PAG1: variants seen among roughly 807,000 people sequenced by gnomAD.
The protein encoded by PAG1 is phosphoprotein associated with glycosphingolipid-enriched microdomains 1.
In PAG1, 23 loss-of-function variants were observed where a neutral mutation model predicts 31.7. The observed-to-expected ratio is 0.73, with a 90% CI of 0.52 to 1.03. The LOEUF is 1.03. Among genes scored for constraint, PAG1 ranks in the 50% least tolerant of loss-of-function variants. The probability of loss-of-function intolerance (pLI) is 0.00; values close to 1 mark genes in which losing one functional copy is unlikely to be tolerated. For synonymous variants in PAG1, 214 were observed against 210.3 expected (o/e 1.02, Z -0.15); for missense variants, 473 against 540.7 (o/e 0.87, Z 1.24).
At chr8:81,002,692 C>T (rs1011971187) in intron 3 of PAG1, among the ~76,000 whole-genome samples, 9 of 152,194 alleles carry the variant, frequency 5.9e-5, no homozygotes, top group Non-Finnish European at 8.8e-5. Context: ...GAAATCATTA[C>T]GCAGTACTTA....
chr8:81,069,622 C>T (rs963684659), intron 2 of PAG1, among the ~76,000 whole-genome samples: 3 of 152,188 alleles, frequency 2.0e-5, no homozygotes, highest in Non-Finnish European at 2.9e-5. Context: ...ATCATCAGCA[C>T]AAAATGAGAT....
Position 80,993,197 on chromosome 8 carries a change from C to T in PAG1, c.31G>A (p.Gly11Arg), listed in dbSNP as rs943867826. ...CCCCACAGGGTGATCTGCATCTGTCCGCTGCCCAGCAGGCTCCCCGCGGGC... is the reference window on the plus strand; with the variant it reads ...CCCCACAGGGTGATCTGCATCTGTCTGCTGCCCAGCAGGCTCCCCGCGGGC... MGPAGSLLGS[G>R]QMQITLWGSL... Residue 11 changes from glycine to arginine, a missense_variant, in exon 4 of 9, where the codon GGA (glycine) becomes AGA (arginine). Coordinates refer to ENST00000220597, the MANE Select transcript of PAG1 (RefSeq NM_018440.4). 28 of 1,612,268 alleles carry T rather than the reference C, an allele frequency of 1.7e-5. No individual in the cohort carries two copies. The highest frequency in any genetic ancestry group is 1.2e-4 in the Admixed American group (7 of 59,960).
chr8:81,098,821 C>T (rs1809566654), intron 1 of PAG1, among the ~76,000 whole-genome samples: 1 of 152,132 alleles, frequency 6.6e-6, no homozygotes, highest in Non-Finnish European at 1.5e-5. Context: ...CAAATATATC[C>T]ATGGCTAAGT....
chr8:81,081,247 G>A (rs1480625747), intron 1 of PAG1, among the ~76,000 whole-genome samples: 7 of 150,840 alleles, frequency 4.6e-5, no homozygotes, highest in Admixed American at 4.6e-4. Context: ...AGGCAACTTC[G>A]TACTAACATC....
rs80167423 is a variant in PAG1, at chr8:81,030,909, A to T, written c.-174-820T>A. ...GGAATGAATGAATGAACGAACGAAC[A>T]AACGGATGAAAGAACGGCTGTGTTT... On this transcript the variant is annotated intron_variant, in intron 2 of 8. Transcript: ENST00000220597. Among the ~76,000 whole-genome samples the T allele has an allele frequency of 6.5e-3, 993 of 152,348 alleles. 17 individuals carry two copies. The highest frequency in any genetic ancestry group is 0.023 in the African/African-American group (938 of 41,560).
chr8:81,077,977 G>A (rs113792522), intron 1 of PAG1, among the ~76,000 whole-genome samples: 2,544 of 152,222 alleles, frequency 0.017, 70 homozygotes, highest in African/African-American at 0.057. Context: ...TCAAACCCAC[G>A]TAAATGAAAT....
intron 2 of PAG1, among the ~76,000 whole-genome samples, chr8:81,065,171 C>G (rs1808983059): frequency 6.6e-6 from 1 of 152,190 alleles, no homozygotes. Flanking sequence ...GGCACAATTT[C>G]TAAGAAAACT....
At chr8:81,101,390 A>G (rs1331332418) in intron 1 of PAG1, among the ~76,000 whole-genome samples, 1 of 152,194 alleles carries the variant, frequency 6.6e-6, no homozygotes, top group Non-Finnish European at 1.5e-5. Flanking sequence ...AGGACTTATG[A>G]TCAATATTTT....
At chr8:81,073,339 A>G (rs1809124336) in intron 1 of PAG1, among the ~76,000 whole-genome samples, 1 of 152,176 alleles carries the variant, frequency 6.6e-6, no homozygotes, top group Admixed American at 6.5e-5. Context: ...CCTGACTCAC[A>G]CTACCAACCT....
intron 2 of PAG1, among the ~76,000 whole-genome samples, chr8:81,055,085 T>G (rs1477651957): frequency 6.6e-6 from 1 of 151,448 alleles, no homozygotes; most frequent in Non-Finnish European, 1.5e-5. Context: ...CTTTTTTTTT[T>G]TTTTTGTTGA....
intron 2 of PAG1, among the ~76,000 whole-genome samples, chr8:81,037,640 T>C (rs77152952): frequency 0.017 from 2,528 of 152,336 alleles, 77 homozygotes; most frequent in African/African-American, 0.058. Context: ...CTTTAGTGAA[T>C]AGAAGACATA....
chr8:81,093,122 C>G (rs994202110), intron 1 of PAG1, among the ~76,000 whole-genome samples: 66 of 152,324 alleles, frequency 4.3e-4, no homozygotes, highest in African/African-American at 1.5e-3. Context: ...GGTATGCTGA[C>G]AGCATACAGC....
intron 3 of PAG1, among the ~76,000 whole-genome samples, chr8:81,001,453 C>A (rs911271697): frequency 1.3e-5 from 2 of 152,172 alleles, no homozygotes; most frequent in African/African-American, 4.8e-5. Context: ...GATGGGGGCA[C>A]AAGGAACCTA....
At chr8:80,982,007 A>C (rs1172924591) in intron 7 of PAG1, among the ~76,000 whole-genome samples, 3 of 151,968 alleles carry the variant, frequency 2.0e-5, no homozygotes, top group Non-Finnish European at 4.4e-5. Flanking sequence ...CTGGGACTAC[A>C]GGTGCATACC....
chr8:81,082,232 AAC>A (rs1809279058), intron 1 of PAG1, among the ~76,000 whole-genome samples: 1 of 148,496 alleles, frequency 6.7e-6, no homozygotes, highest in Non-Finnish European at 1.5e-5. Flanking sequence ...CAGCCTGGGC[AAC>A]AGAGTGAGAC....
chr8:81,020,321 G>C (rs1346507933), intron 3 of PAG1, among the ~76,000 whole-genome samples: 3 of 152,126 alleles, frequency 2.0e-5, no homozygotes, highest in African/African-American at 7.2e-5. Context: ...TTTGGGAGGG[G>C]CCAGGGGTAG....
chr8:81,026,919 A>T (rs1327697153), intron 3 of PAG1, among the ~76,000 whole-genome samples: 1 of 152,156 alleles, frequency 6.6e-6, no homozygotes, highest in Non-Finnish European at 1.5e-5. Flanking sequence ...AAATGTACCA[A>T]ATGGAAAGAA....
At chr8:81,022,469 G>A (rs1464818241) in intron 3 of PAG1, among the ~76,000 whole-genome samples, 1 of 152,120 alleles carries the variant, frequency 6.6e-6, no homozygotes, top group African/African-American at 2.4e-5. Context: ...GCTTATCTAA[G>A]TCATTCTGAA....
intron 3 of PAG1, among the ~76,000 whole-genome samples, chr8:81,020,754 C>T (rs182985292): frequency 6.6e-6 from 1 of 152,132 alleles, no homozygotes; most frequent in Non-Finnish European, 1.5e-5. Context: ...TTCAAAAGTG[C>T]CGAAAATGAT....
Sources: gnomAD v4.1 joint callset for allele counts (sites outside exome capture counted in the v4.1 genomes callset) on GRCh38, gnomAD v4.1.1 for gene constraint, MANE v1.5 for transcripts, NCBI Gene and HGNC (gene_info 2026-07-23, HGNC 2026-07-21) for gene names.